The following LIPA variants were observed in gnomAD, a reference collection of about 807,000 sequenced individuals.
LIPA encodes the protein lipase A, lysosomal acid type, also known as lysosomal acid lipase/cholesteryl ester hydrolase.
LIPA carries 26 observed loss-of-function variants against 40.6 expected under a neutral mutation model. The ratio of observed to expected loss-of-function variants is 0.64; its 90% CI spans 0.47 to 0.89. The LOEUF is 0.89. Ranked by LOEUF, LIPA falls within the 40% of genes least tolerant of loss-of-function variation. The probability of loss-of-function intolerance (pLI) is 0.00; values close to 1 mark genes in which losing one functional copy is unlikely to be tolerated. For synonymous variants in LIPA, 188 were observed against 168.4 expected (o/e 1.12, Z -0.90); for missense variants, 455 against 479.6 (o/e 0.95, Z 0.48).
At chr10:89,337,238 G>T (rs147340384) in intron 1 of LIPA, among the ~76,000 whole-genome samples, 1 of 152,092 alleles carries the variant, frequency 6.6e-6, no homozygotes, top group South Asian at 2.1e-4. Context: ...AGCACCTGGC[G>T]GGCAGAGAAG....
intron 5 of LIPA, 91 bp from the exon 6 acceptor site, chr10:89,225,319 G>C (rs1053763848): frequency 1.7e-6 from 2 of 1,183,748 alleles, no homozygotes. Flanking sequence ...ACGCCCTCTC[G>C]CGGAGGCCTG....
intron 1 of LIPA, among the ~76,000 whole-genome samples, chr10:89,274,335 G>A (rs1291890857): frequency 6.6e-6 from 1 of 152,176 alleles, no homozygotes. Context: ...TTATATGTGG[G>A]TATCAACATT....
At chr10:89,367,999 A>G (rs1009832021) in intron 2 of LIPA, among the ~76,000 whole-genome samples, 21 of 151,810 alleles carry the variant, frequency 1.4e-4, no homozygotes, top group Admixed American at 6.6e-4. Context: ...TCTTTTTTTA[A>G]TTTTTTGTAG....
intron 2 of LIPA, among the ~76,000 whole-genome samples, chr10:89,394,612 ATATATATATATATAT>A (rs1472920437): frequency 2.9e-4 from 8 of 27,610 alleles, no homozygotes; most frequent in Admixed American, 2.2e-3. Context: ...ATATATATAT[ATATATATATATATAT>A]AAAACTTGAA....
intron 9 of LIPA, 85 bp from the exon 10 acceptor site, chr10:89,215,146 C>A (rs1381676378): frequency 2.0e-6 from 2 of 997,346 alleles, no homozygotes; most frequent in Non-Finnish European, 3.2e-6. Flanking sequence ...CTCCATTAAA[C>A]ATTGTCTAGT....
chr10:89,282,582 G>A (rs745811872), intron 1 of LIPA, among the ~76,000 whole-genome samples: 6 of 152,150 alleles, frequency 3.9e-5, no homozygotes, highest in Non-Finnish European at 8.8e-5. Flanking sequence ...AGAGGTTGCG[G>A]TGAGCCGAGA....
intron 1 of LIPA, chr10:89,308,854 T>C (rs1843499968): frequency 6.6e-6 from 1 of 152,204 alleles, no homozygotes; most frequent in African/African-American, 2.4e-5. Flanking sequence ...GTCATCAGGG[T>C]GCAAAATTTG....
At chr10:89,340,281 G>A (rs763056602) in intron 1 of LIPA, 49 of 750,306 alleles carry the variant, frequency 6.5e-5, no homozygotes, top group Admixed American at 1.3e-4. Flanking sequence ...TTTTTTGGCC[G>A]GGCGCAGTGG....
rs553178632 is a variant in LIPA, at chr10:89,333,997, A to G, written c.-2+8614T>C. On this transcript the variant is annotated intron_variant, in intron 1 of 5. Coordinates refer to the LIPA transcript ENST00000282673. ...GGATTGGGCCTGTTCTGACCAACCAACTGAGCACAGGTCTGCCAGTTCCTT... is the reference window on the plus strand; with the variant it reads ...GGATTGGGCCTGTTCTGACCAACCAGCTGAGCACAGGTCTGCCAGTTCCTT... Among the ~76,000 whole-genome samples, 19 of 152,316 alleles carry G rather than the reference A, an allele frequency of 1.2e-4. 1 individual carries two copies. The South Asian group carries it at 3.1e-3, about 25-fold the overall frequency.
At chr10:89,235,492 G>A (rs1182505798) in intron 3 of LIPA, among the ~76,000 whole-genome samples, 4 of 152,230 alleles carry the variant, frequency 2.6e-5, no homozygotes, top group African/African-American at 4.8e-5. Context: ...CCACGACAAC[G>A]CTGCCTTCCC....
At chr10:89,264,662 T>G (rs956197277) in intron 1 of LIPA, among the ~76,000 whole-genome samples, 2 of 152,226 alleles carry the variant, frequency 1.3e-5, no homozygotes, top group African/African-American at 2.4e-5. Context: ...TCTGTCCCAG[T>G]CTGGCTGAGT....
chr10:89,266,648 T>C (rs1393688571), intron 1 of LIPA, among the ~76,000 whole-genome samples: 1 of 152,242 alleles, frequency 6.6e-6, no homozygotes, highest in Non-Finnish European at 1.5e-5. Flanking sequence ...GTACTTTGTG[T>C]TATCTTGAGT....
intron 2 of LIPA, among the ~76,000 whole-genome samples, chr10:89,388,264 C>T (rs1473755425): frequency 2.0e-5 from 3 of 152,144 alleles, no homozygotes; most frequent in African/African-American, 7.2e-5. Flanking sequence ...TGCCACCACA[C>T]CCAGCTAATT....
chr10:89,402,926 A>C, intron 2 of LIPA: 4 of 1,614,148 alleles, frequency 2.5e-6, no homozygotes, highest in Non-Finnish European at 3.4e-6. Context: ...CAGACAATGG[A>C]TATATTAAGG....
intron 2 of LIPA, among the ~76,000 whole-genome samples, chr10:89,366,461 C>T (rs1379594637): frequency 2.6e-5 from 4 of 152,046 alleles, no homozygotes; most frequent in African/African-American, 9.7e-5. Context: ...CCTGATTGCC[C>T]TGGCCAGAAC....
At chr10:89,292,896 G>A (rs1014950980) in intron 1 of LIPA, among the ~76,000 whole-genome samples, 1 of 151,480 alleles carries the variant, frequency 6.6e-6, no homozygotes, top group Admixed American at 6.6e-5. Context: ...CAATTCTCCT[G>A]CCTCTGCCCC....
At chr10:89,239,186 A>C (rs1271000383) in intron 3 of LIPA, among the ~76,000 whole-genome samples, 1 of 152,230 alleles carries the variant, frequency 6.6e-6, no homozygotes, top group Non-Finnish European at 1.5e-5. Flanking sequence ...GATGCAGGAC[A>C]TCTAAGTCAG....
chr10:89,320,590 C>G (rs1843565700), intron 1 of LIPA, among the ~76,000 whole-genome samples: 1 of 152,212 alleles, frequency 6.6e-6, no homozygotes, highest in Non-Finnish European at 1.5e-5. Context: ...AATGGAAGAA[C>G]ATTCCATGCT....
In LIPA at chr10:89,224,488, T is replaced by C. The variant is rs1408625423; in HGVS notation, c.675+604A>G. Reference sequence around the variant, plus strand: ...CTATACAGGATTTCATATGTGTGTGTGTGAACATATATTTCATAAAAGACA... The same window carrying C: ...CTATACAGGATTTCATATGTGTGTGCGTGAACATATATTTCATAAAAGACA... On this transcript the variant is annotated intron_variant, in intron 6 of 9. Transcript: ENST00000336233. 2.6e-5 allele frequency among the ~76,000 whole-genome samples: 4 copies of C among 152,238 alleles called. No individual in the cohort carries two copies. The South Asian group carries it at 8.3e-4, about 31-fold the overall frequency.
Sources: gnomAD v4.1 joint callset for allele counts (sites outside exome capture counted in the v4.1 genomes callset) on GRCh38, gnomAD v4.1.1 for gene constraint, MANE v1.5 for transcripts, NCBI Gene and HGNC (gene_info 2026-07-23, HGNC 2026-07-21) for gene names.